The following KDM4B variants were observed in gnomAD, a reference collection of about 807,000 sequenced individuals.
KDM4B encodes lysine demethylase 4B, also known as lysine-specific demethylase 4B.
KDM4B carries 32 observed loss-of-function variants against 125.2 expected under a neutral mutation model. The observed-to-expected ratio is 0.26, with a 90% CI of 0.19 to 0.34. The LOEUF is 0.34. Ranked by LOEUF, KDM4B falls within the 10% of genes least tolerant of loss-of-function variation. The pLI is 1.00. For synonymous variants in KDM4B, 721 were observed against 677.9 expected, an observed-to-expected ratio of 1.06 and a Z score of -0.99; for missense variants, 1,190 against 1,577.7, an observed-to-expected ratio of 0.75 and a Z score of 4.16.
chr19:4,981,448 G>C (rs1362906917), intron 1 of KDM4B, among the ~76,000 whole-genome samples: 3 of 152,186 alleles, frequency 2.0e-5, no homozygotes, highest in Non-Finnish European at 4.4e-5. Flanking sequence ...AGAGCACGCT[G>C]CTCCCTGGGT....
At chr19:5,019,345 GGTGTT>G (rs2036001441) in intron 2 of KDM4B, among the ~76,000 whole-genome samples, 2 of 141,116 alleles carry the variant, frequency 1.4e-5, no homozygotes, top group African/African-American at 2.7e-5. Context: ...TGTTGGTGTG[GGTGTT>G]GGTGTGCAGG....
chr19:5,090,175 C>T (rs1332302105), intron 9 of KDM4B, among the ~76,000 whole-genome samples: 2 of 152,160 alleles, frequency 1.3e-5, no homozygotes, highest in Non-Finnish European at 2.9e-5. Flanking sequence ...GGGAGGGGTC[C>T]TAGCCCCTGG....
chr19:5,009,436 A>T (rs770059526), intron 1 of KDM4B, among the ~76,000 whole-genome samples: 13 of 152,114 alleles, frequency 8.5e-5, no homozygotes, highest in Non-Finnish European at 1.8e-4. Flanking sequence ...AGTGGAAGGG[A>T]TGTGGTGGTG....
chr19:5,059,851 C>G (rs1214479441), intron 6 of KDM4B, among the ~76,000 whole-genome samples: 2 of 152,248 alleles, frequency 1.3e-5, no homozygotes, highest in African/African-American at 4.8e-5. Context: ...AGACGACGTT[C>G]TGCACACAGA....
At chr19:5,144,656 C>A (rs986926462) in intron 20 of KDM4B, 127 bp from the exon 21 acceptor site, 7 of 1,374,816 alleles carry the variant, frequency 5.1e-6, no homozygotes, top group East Asian at 4.6e-5. Context: ...TACCCCGGGC[C>A]CCCGCAGCCA....
chr19:5,137,957 C>A lies in KDM4B; in HGVS notation c.2442-5C>A, dbSNP rs777925573. 1 of 1,610,226 alleles carries A rather than the reference C, an allele frequency of 6.2e-7. No individual in the cohort carries two copies. The highest frequency in any genetic ancestry group is 1.1e-5 in the South Asian group (1 of 90,642). ...CACCTGACCCCGCTGCACCTGCCCT[C>A]CCAGGTGGATCCACGTGATCTGTGC... On this transcript the variant is annotated splice_polypyrimidine_tract_variant and splice_region_variant and intron_variant, in intron 17 of 22. Transcript: ENST00000159111.
Position 5,077,437 on chromosome 19 carries a change from C to G in KDM4B, c.747C>G (p.Ile249Met). ...ATAAGATGACCCTCATCTCGCCCAT[C>G]ATCCTGAAGAAGTACGGGATCCCCT... is the stretch of plus-strand genomic sequence containing the variant. The part of the protein sequence containing the change: ...LRHKMTLISP[I>M]ILKKYGIPFS... Residue 249 changes from isoleucine (I) to methionine (M), a missense_variant, in exon 8 of 23, where the codon ATC (isoleucine) becomes ATG (methionine). This residue lies in a region of KDM4B where 75 missense variants were observed against 218.2 expected (regional missense o/e 0.34). Transcript: ENST00000159111. The G allele has an allele frequency of 6.2e-7, 1 of 1,613,472 alleles. No homozygotes were observed. The highest frequency in any genetic ancestry group is 8.5e-7 in the Non-Finnish European group (1 of 1,180,014).
At chr19:4,993,203 A>G (rs1347825589) in intron 1 of KDM4B, among the ~76,000 whole-genome samples, 1 of 152,172 alleles carries the variant, frequency 6.6e-6, no homozygotes, top group African/African-American at 2.4e-5. Context: ...TGAGGTCAGC[A>G]GTTTGAGACC....
At chr19:5,017,604 G>A (rs535056871) in intron 2 of KDM4B, among the ~76,000 whole-genome samples, 44 of 152,236 alleles carry the variant, frequency 2.9e-4, no homozygotes, top group African/African-American at 9.4e-4. Context: ...CTGAAATCTT[G>A]CTTTTACCCT....
chr19:4,977,030 T>C (rs2034470084), intron 1 of KDM4B, among the ~76,000 whole-genome samples: 1 of 151,798 alleles, frequency 6.6e-6, no homozygotes, highest in African/African-American at 2.4e-5. Context: ...CTTTTTCTTT[T>C]TCTTTTCTGT....
chr19:5,095,117 C>G (rs1017674479), intron 9 of KDM4B, among the ~76,000 whole-genome samples: 3 of 152,324 alleles, frequency 2.0e-5, no homozygotes, highest in South Asian at 2.1e-4. Context: ...CCGTCCCCAT[C>G]CCTGTCCACA....
chr19:4,985,945 T>C (rs1042083369), intron 1 of KDM4B, among the ~76,000 whole-genome samples: 1 of 152,194 alleles, frequency 6.6e-6, no homozygotes, highest in Non-Finnish European at 1.5e-5. Flanking sequence ...CGTCTCCCGG[T>C]TTTTCCCTCG....
At chr19:5,123,210 C>G (rs1208178581) in intron 11 of KDM4B, among the ~76,000 whole-genome samples, 1 of 152,232 alleles carries the variant, frequency 6.6e-6, no homozygotes, top group Non-Finnish European at 1.5e-5. Flanking sequence ...CGGGGCTTCT[C>G]ATATGCTGTG....
intron 18 of KDM4B, among the ~76,000 whole-genome samples, chr19:5,139,337 G>A (rs933815072): frequency 1.8e-4 from 27 of 151,108 alleles, no homozygotes; most frequent in African/African-American, 6.3e-4. Flanking sequence ...GTGTTGATCC[G>A]GGCACCCGCC....
chr19:4,974,594 C>T (rs750926998), intron 1 of KDM4B, among the ~76,000 whole-genome samples: 22 of 150,756 alleles, frequency 1.5e-4, no homozygotes, highest in Non-Finnish European at 2.7e-4. Flanking sequence ...AAAAATCAGC[C>T]GGGCATGGTG....
At chr19:5,071,199 T>C (rs926116382) in intron 7 of KDM4B, 140 bp downstream of exon 7, 7 of 712,374 alleles carry the variant, frequency 9.8e-6, no homozygotes, top group Admixed American at 2.7e-5. Flanking sequence ...CTTTGAGCCA[T>C]TACTGTGTGA....
chr19:5,048,269 G>A (rs1020567767), intron 6 of KDM4B, among the ~76,000 whole-genome samples: 2 of 152,238 alleles, frequency 1.3e-5, no homozygotes, highest in South Asian at 2.1e-4. Context: ...TGTGCACGTC[G>A]CAGCGAGGCC....
chr19:5,056,894 AGTCCTGGGGCGGGG>A (rs1568263867), intron 6 of KDM4B, among the ~76,000 whole-genome samples: 1 of 51,568 alleles, frequency 1.9e-5, no homozygotes, highest in East Asian at 0.017. Context: ...TGGGGCGGGG[AGTCCTGGGGCGGGG>A]AGTCCTGGGG....
intron 6 of KDM4B, among the ~76,000 whole-genome samples, chr19:5,065,303 G>A (rs1456204916): frequency 6.6e-6 from 1 of 152,220 alleles, no homozygotes; most frequent in African/African-American, 2.4e-5. Context: ...CGTAGCTAAG[G>A]GCTCCCTGGC....
Sources: allele counts gnomAD v4.1 joint callset (sites outside exome capture counted in the v4.1 genomes callset), GRCh38; gene constraint gnomAD v4.1.1; regional missense constraint gnomAD v4.1.1; transcripts MANE v1.5; gene names NCBI Gene and HGNC (gene_info 2026-07-23, HGNC 2026-07-21).